Variants in HPSE2 observed in about 807,000 individuals in gnomAD.
The protein encoded by HPSE2 is heparanase 2 (inactive).
HPSE2 carries 38 observed loss-of-function variants against 60.5 expected under a neutral mutation model. The observed-to-expected ratio is 0.63, with a 90% CI of 0.48 to 0.82. The LOEUF (loss-of-function observed/expected upper bound fraction) is 0.82, where lower values mean the gene tolerates loss of function less well. HPSE2 is among the 40% of genes least tolerant of loss of function. HPSE2 has a pLI of 0.00. For synonymous variants in HPSE2, 295 were observed against 293.2 expected, an observed-to-expected ratio of 1.01 and a Z score of -0.06; for missense variants, 713 against 740.4, an observed-to-expected ratio of 0.96 and a Z score of 0.43.
rs541769461 is a variant in HPSE2 at position 98,908,638 on chromosome 10, G to A, written c.611-164582C>T. Among the ~76,000 whole-genome samples the A allele has an allele frequency of 5.2e-5, 7 of 135,024 alleles. No homozygotes were observed. In the East Asian group the frequency reaches 1.1e-3, roughly 21 times the overall value. 88.6% of individuals were successfully genotyped at this position (135,024 alleles called of 152,430 possible). On this transcript the variant is annotated intron_variant, in intron 3 of 11. Transcript: ENST00000370552. ...GTGGAGGTTGTGGTGAGCCGAGATC[G>A]TGCCGTTGCACTCCAGCCCAGGCAA... is the stretch of plus-strand genomic sequence containing the variant.
intron 4 of HPSE2, among the ~76,000 whole-genome samples, chr10:98,722,863 G>C (rs1948964061): frequency 6.6e-6 from 1 of 152,094 alleles, no homozygotes; most frequent in African/African-American, 2.4e-5. Context: ...AGGAGATTTT[G>C]GGCTGAGACG....
At chr10:98,949,269 C>G (rs1955284436) in intron 3 of HPSE2, among the ~76,000 whole-genome samples, 1 of 151,776 alleles carries the variant, frequency 6.6e-6, no homozygotes, top group Admixed American at 6.6e-5. Flanking sequence ...CACACACACA[C>G]ACACACAAAT....
intron 6 of HPSE2, among the ~76,000 whole-genome samples, chr10:98,645,863 T>C (rs1325813167): frequency 6.6e-6 from 1 of 152,080 alleles, no homozygotes; most frequent in Non-Finnish European, 1.5e-5. Context: ...TAGTCCCAGC[T>C]ACTCCGGAGG....
intron 3 of HPSE2, among the ~76,000 whole-genome samples, chr10:99,076,342 TTTTTA>T (rs771418402): frequency 9.9e-5 from 15 of 152,190 alleles, no homozygotes; most frequent in African/African-American, 3.1e-4. Flanking sequence ...CCTTTACATC[TTTTTA>T]TTTTGTGTAT....
rs538474979 is a variant in HPSE2 at position 98,587,620 on chromosome 10, C to T, written c.1320+27284G>A. Reference sequence around the variant, plus strand: ...AACAATGGCTGCTAACTCTTGAGTACAATTCCTCCTCTTCTGAGAACTGTC... The same window carrying T: ...AACAATGGCTGCTAACTCTTGAGTATAATTCCTCCTCTTCTGAGAACTGTC... On this transcript the variant is annotated intron_variant, in intron 9 of 11. Coordinates refer to ENST00000370552, the MANE Select transcript of HPSE2 (RefSeq NM_021828.5). Among the ~76,000 whole-genome samples, 3 of 152,266 alleles carry T rather than the reference C, an allele frequency of 2.0e-5. No homozygotes were observed. The South Asian group carries it at 6.2e-4, about 32-fold the overall frequency.
chr10:99,145,038 A>C (rs1222887053), intron 2 of HPSE2, among the ~76,000 whole-genome samples: 1 of 152,206 alleles, frequency 6.6e-6, no homozygotes, highest in Non-Finnish European at 1.5e-5. Context: ...CAGGAGGTCT[A>C]GAGTCATGGA....
intron 4 of HPSE2, among the ~76,000 whole-genome samples, chr10:98,723,829 A>T (rs1269357098): frequency 6.6e-6 from 1 of 151,854 alleles, no homozygotes; most frequent in Non-Finnish European, 1.5e-5. Context: ...GTCATTTTTT[A>T]TTGCGTCTAT....
chr10:98,600,925 A>ATATATATATATATAT (rs1554950584), intron 9 of HPSE2, among the ~76,000 whole-genome samples: 3 of 29,166 alleles, frequency 1.0e-4, no homozygotes, highest in Non-Finnish European at 4.9e-4. Flanking sequence ...ATATATATAT[A>ATATATATATATATAT]TATATATATA....
chr10:99,087,320 G>A (rs138164528), intron 3 of HPSE2, among the ~76,000 whole-genome samples: 238 of 152,200 alleles, frequency 1.6e-3, no homozygotes, highest in African/African-American at 5.4e-3. Context: ...GTAGCTTGTC[G>A]CTCTCAGTAA....
intron 3 of HPSE2, among the ~76,000 whole-genome samples, chr10:98,781,252 G>A (rs1404635965): frequency 1.4e-5 from 2 of 144,294 alleles, no homozygotes; most frequent in African/African-American, 5.1e-5. Flanking sequence ...ACAAGCCTCT[G>A]CCCCTATGAA....
At chr10:98,904,696 T>C (rs1953761064) in intron 3 of HPSE2, among the ~76,000 whole-genome samples, 1 of 152,202 alleles carries the variant, frequency 6.6e-6, no homozygotes, top group Admixed American at 6.5e-5. Context: ...TGGTAAAAAC[T>C]GTGAATTATC....
intron 3 of HPSE2, among the ~76,000 whole-genome samples, chr10:98,745,970 G>C (rs1949619057): frequency 6.6e-6 from 1 of 152,086 alleles, no homozygotes; most frequent in African/African-American, 2.4e-5. Flanking sequence ...TATTTTATCA[G>C]TTTTTGAAGC....
intron 3 of HPSE2, among the ~76,000 whole-genome samples, chr10:99,105,754 A>G (rs1844220579): frequency 6.6e-6 from 1 of 151,966 alleles, no homozygotes; most frequent in South Asian, 2.1e-4. Context: ...TTATAGTTTT[A>G]CCTGGTACAT....
At chr10:98,946,336 C>A (rs572054477) in intron 3 of HPSE2, among the ~76,000 whole-genome samples, 4 of 151,708 alleles carry the variant, frequency 2.6e-5, no homozygotes, top group Non-Finnish European at 5.9e-5. Flanking sequence ...TGTGGTGGCA[C>A]ATGCTTGTAA....
At chr10:99,192,657 A>C (rs1328599151) in intron 2 of HPSE2, among the ~76,000 whole-genome samples, 1 of 152,030 alleles carries the variant, frequency 6.6e-6, no homozygotes, top group African/African-American at 2.4e-5. Flanking sequence ...AGCTGTTCTC[A>C]AACTCCTGGG....
intron 3 of HPSE2, among the ~76,000 whole-genome samples, chr10:98,964,744 A>C (rs1056268684): frequency 6.6e-5 from 10 of 152,166 alleles, no homozygotes; most frequent in African/African-American, 2.4e-4. Context: ...GACCTGACTT[A>C]TCTCTCAAGT....
At chr10:98,571,938 T>TTCTTTC (rs1407057413) in intron 9 of HPSE2, among the ~76,000 whole-genome samples, 1 of 34,104 alleles carries the variant, frequency 2.9e-5, no homozygotes, top group Non-Finnish European at 1.1e-4. Context: ...AGAATTCCTT[T>TTCTTTC]TCTTTTTTTT....
chr10:98,638,289 C>T (rs1946551668), intron 7 of HPSE2, among the ~76,000 whole-genome samples: 2 of 149,198 alleles, frequency 1.3e-5, no homozygotes, highest in African/African-American at 2.5e-5. Flanking sequence ...ACTAAAAATA[C>T]AAAAAATCAG....
intron 9 of HPSE2, among the ~76,000 whole-genome samples, 157 bp from the exon 10 acceptor site, chr10:98,490,353 C>T (rs1353109772): frequency 6.6e-6 from 1 of 152,116 alleles, no homozygotes; most frequent in East Asian, 1.9e-4. Flanking sequence ...CCTAAGCCTA[C>T]AAGCATGGTC....
Sources: allele counts gnomAD v4.1 joint callset (sites outside exome capture counted in the v4.1 genomes callset), GRCh38; gene constraint gnomAD v4.1.1; transcripts MANE v1.5; gene names NCBI Gene and HGNC (gene_info 2026-07-23, HGNC 2026-07-21).